Variants in TGIF2 observed in about 807,000 individuals in gnomAD.
TGIF2 encodes the protein homeobox protein TGIF2.
TGIF2 carries 5 observed loss-of-function variants against 15.1 expected under a neutral mutation model. That is an observed-to-expected ratio of 0.33 (90% confidence interval 0.17 to 0.70). TGIF2 has a LOEUF of 0.70. Ranked by LOEUF, TGIF2 falls within the 30% of genes least tolerant of loss-of-function variation. The pLI, the probability that TGIF2 is intolerant of heterozygous loss-of-function variation, is 0.67. For missense variants in TGIF2, 264 were observed against 302.5 expected (o/e 0.87, Z 0.94); for synonymous variants, 131 against 128.9 (o/e 1.02, Z -0.11).
At chr20:36,578,646 G>A in intron 1 of TGIF2, 95 bp from the exon 2 acceptor site, 1 of 1,350,510 alleles carries the variant, frequency 7.4e-7, no homozygotes, top group Non-Finnish European at 9.9e-7. Flanking sequence ...CCCATTTCTG[G>A]TGTCCCAGGC....
At chr20:36,578,107 A>G (rs2038469183) in intron 1 of TGIF2, among the ~76,000 whole-genome samples, 1 of 152,184 alleles carries the variant, frequency 6.6e-6, no homozygotes, top group South Asian at 2.1e-4. Context: ...ATTAAATGAG[A>G]TAACATGTAA....
At chr20:36,578,428 A>AT (rs976333099) in intron 1 of TGIF2, among the ~76,000 whole-genome samples, 11 of 151,736 alleles carry the variant, frequency 7.2e-5, no homozygotes, top group Non-Finnish European at 1.5e-4. Context: ...AAAAAAAAAA[A>AT]GAAAAGAAAA....
intron 1 of TGIF2, chr20:36,574,453 C>T (rs71337977): frequency 2.5e-5 from 1 of 40,280 alleles, no homozygotes; most frequent in Non-Finnish European, 6.0e-5. Context: ...GGGGGGGGGG[C>T]GGCGCGGAGG....
intron 2 of TGIF2, among the ~76,000 whole-genome samples, chr20:36,584,297 CT>C (rs1185423108): frequency 1.3e-5 from 2 of 152,166 alleles, no homozygotes; most frequent in Non-Finnish European, 1.5e-5. Context: ...ACTGTAATTG[CT>C]TTTAGACTGC....
intron 2 of TGIF2, among the ~76,000 whole-genome samples, chr20:36,587,409 C>A (rs140437074): frequency 9.9e-5 from 15 of 152,242 alleles, no homozygotes; most frequent in Non-Finnish European, 1.6e-4. Context: ...AGGCTGCCTG[C>A]TCAACAACAC....
At chr20:36,579,107 C>T (rs2038492346) in intron 2 of TGIF2, 141 bp downstream of exon 2, 1 of 1,136,346 alleles carries the variant, frequency 8.8e-7, no homozygotes, top group Non-Finnish European at 1.2e-6. Context: ...TAGGGGAGAA[C>T]ACCCACTCTC....
Position 36,577,955 on chromosome 20 carries a change from G to A in TGIF2, c.-34-786G>A, listed in dbSNP as rs11906692. Among the ~76,000 whole-genome samples, 930 of 152,290 alleles carry A rather than the reference G, an allele frequency of 6.1e-3. 10 individuals carry two copies. The highest frequency in any genetic ancestry group is 0.022 in the African/African-American group (898 of 41,554). On this transcript the variant is annotated intron_variant, in intron 1 of 2. Coordinates refer to ENST00000373872, the MANE Select transcript of TGIF2 (RefSeq NM_021809.7). ...AAGTAGGTGGGCTTACAAATGCACAGCATGACACCTGGCTTATTTTTGTAT... is the reference window on the plus strand; with the variant it reads ...AAGTAGGTGGGCTTACAAATGCACAACATGACACCTGGCTTATTTTTGTAT...
At chr20:36,582,663 G>A (rs1012430687) in intron 2 of TGIF2, among the ~76,000 whole-genome samples, 5 of 152,178 alleles carry the variant, frequency 3.3e-5, no homozygotes, top group South Asian at 2.1e-4. Context: ...CTGGAGAAAT[G>A]TAAATGTAAG....
Position 36,591,026 on chromosome 20 carries a change from G to C in TGIF2, c.309G>C (p.Val103=), listed in dbSNP as rs753492742. 6.2e-7 allele frequency: 1 copy of C among 1,600,404 alleles called. No individual in the cohort carries two copies. Among genetic ancestry groups the C allele is most frequent in the South Asian group, 1.1e-5 (1 of 90,344 alleles). Reference sequence around the variant, plus strand: ...GCCGCGGGGGTAAGGCCTCAGATGTGGCCCTCCCCCGTGGCAGCAGCCCCT... The same window carrying C: ...GCCGCGGGGGTAAGGCCTCAGATGTCGCCCTCCCCCGTGGCAGCAGCCCCT... ...ISRRGGKASD[V]ALPRGSSPSV... is the part of the protein sequence containing the mutation. Residue 103 remains valine (V), a synonymous_variant, in exon 3 of 3, where the codon GTG becomes GTC. Coordinates refer to ENST00000373872, the MANE Select transcript of TGIF2 (RefSeq NM_021809.7). This position sits in a 1 kb window ranked among gnomAD's most constrained non-coding sequence, Gnocchi z 5.3.
At chr20:36,575,675 A>G (rs752579142) in intron 1 of TGIF2, among the ~76,000 whole-genome samples, 14 of 152,148 alleles carry the variant, frequency 9.2e-5, no homozygotes, top group Non-Finnish European at 1.6e-4. Flanking sequence ...GGGTCCAAGA[A>G]GAGGAAACAA....
intron 1 of TGIF2, 41 bp from the exon 2 acceptor site, chr20:36,578,700 C>T (rs2038481930): frequency 5.3e-6 from 8 of 1,510,000 alleles, no homozygotes; most frequent in South Asian, 2.7e-5. Context: ...AAAGGCGGTA[C>T]GTGCTAATGA....
At chr20:36,590,434 A>G (rs969630082) in intron 2 of TGIF2, among the ~76,000 whole-genome samples, 1 of 152,136 alleles carries the variant, frequency 6.6e-6, no homozygotes, top group Non-Finnish European at 1.5e-5. Flanking sequence ...TTGTATTTTT[A>G]GTAGAGACAG....
intron 2 of TGIF2, among the ~76,000 whole-genome samples, chr20:36,579,804 C>T (rs1020685140): frequency 2.0e-5 from 3 of 152,108 alleles, no homozygotes; most frequent in African/African-American, 7.2e-5. Flanking sequence ...TCTGTTGTGA[C>T]GAATAGATTC....
chr20:36,577,882 A>C (rs1360262516), intron 1 of TGIF2, among the ~76,000 whole-genome samples: 5 of 152,052 alleles, frequency 3.3e-5, no homozygotes, highest in African/African-American at 1.2e-4. Flanking sequence ...AACACAGTTC[A>C]CTACAGCCTT....
chr20:36,574,520 G>C (rs1014675835), intron 1 of TGIF2: 1 of 151,494 alleles, frequency 6.6e-6, no homozygotes, highest in Non-Finnish European at 1.5e-5. Flanking sequence ...GGCCCAGTTC[G>C]GAGCACAAAG....
At chr20:36,583,686 C>A (rs1469769656) in intron 2 of TGIF2, among the ~76,000 whole-genome samples, 14 of 151,936 alleles carry the variant, frequency 9.2e-5, no homozygotes, top group Admixed American at 8.5e-4. Flanking sequence ...CACCTGAGGT[C>A]AGGAGTTTGA....
At chr20:36,577,896 C>T (rs1214524820) in intron 1 of TGIF2, among the ~76,000 whole-genome samples, 2 of 152,132 alleles carry the variant, frequency 1.3e-5, no homozygotes, top group Non-Finnish European at 2.9e-5. Context: ...CAGCCTTGAC[C>T]TCCTGGGCTC....
intron 2 of TGIF2, among the ~76,000 whole-genome samples, chr20:36,583,668 G>A (rs1389962525): frequency 2.0e-5 from 3 of 152,094 alleles, no homozygotes; most frequent in Admixed American, 6.6e-5. Context: ...AGGTTGAGGC[G>A]GGTGGGTCAC....
At chr20:36,587,242 A>G (rs1212622548) in intron 2 of TGIF2, among the ~76,000 whole-genome samples, 6 of 152,206 alleles carry the variant, frequency 3.9e-5, no homozygotes, top group African/African-American at 1.4e-4. Context: ...CAAAACAGAC[A>G]GATGCTAGGC....
Sources: allele counts gnomAD v4.1 joint callset (sites outside exome capture counted in the v4.1 genomes callset), GRCh38; gene constraint gnomAD v4.1.1; non-coding constraint Gnocchi (gnomAD v3.1); transcripts MANE v1.5; gene names NCBI Gene and HGNC (gene_info 2026-07-23, HGNC 2026-07-21).